The following C1orf94 variants were observed in gnomAD, a reference collection of about 807,000 sequenced individuals.
The protein encoded by C1orf94 is uncharacterized protein C1orf94.
C1orf94 carries 45 observed loss-of-function variants against 53.6 expected under a neutral mutation model. The ratio of observed to expected loss-of-function variants is 0.84; its 90% CI spans 0.66 to 1.08. The LOEUF (loss-of-function observed/expected upper bound fraction) is 1.08. Ranked by LOEUF, C1orf94 falls within the 50% of genes least tolerant of loss-of-function variation. C1orf94 has a pLI of 0.00. For missense variants in C1orf94, 762 were observed against 738.9 expected, an observed-to-expected ratio of 1.03 and a Z score of -0.36; for synonymous variants, 304 against 296.1, an observed-to-expected ratio of 1.03 and a Z score of -0.27.
chr1:34,169,820 A>G (rs1463104564), intron 1 of C1orf94, among the ~76,000 whole-genome samples: 1 of 152,246 alleles, frequency 6.6e-6, no homozygotes, highest in African/African-American at 2.4e-5. Flanking sequence ...GGGCGAGGCT[A>G]TCACCATAGA....
chr1:34,209,285 AACACAC>A lies in C1orf94; in HGVS notation c.1524+1081_1524+1086del, dbSNP rs59376155. ...ATAAAGCAGCAGAAAGAGAAATGCAAACACACACACACACACACACACACACACACA... is the reference window on the plus strand; with the variant it reads ...ATAAAGCAGCAGAAAGAGAAATGCAAACACACACACACACACACACACACA... On this transcript the variant is annotated intron_variant, in intron 5 of 6. Coordinates refer to ENST00000488417, the MANE Select transcript of C1orf94 (RefSeq NM_001134734.2). Among the ~76,000 whole-genome samples the A allele has an allele frequency of 5.0e-3, 719 of 143,716 alleles. 11 individuals carry two copies. The highest frequency in any genetic ancestry group is 0.016 in the African/African-American group (627 of 38,862). 94.3% of individuals were successfully genotyped at this position (143,716 alleles called of 152,430 possible).
rs1308713572 is a variant in C1orf94, at chr1:34,201,019, G to A, written c.1257G>A (p.Gly419=). ...TTCGAAACAAAGTGGAAGTGGATGG[G>A]CCGGAGCTGAAATGTGAGCTGACCT... ...PRLRNKVEVD[G]PELKFNAPVT... is the part of the protein sequence containing the mutation. Residue 419 remains glycine (G), a synonymous_variant, in exon 3 of 7, where the codon GGG becomes GGA. Coordinates refer to ENST00000488417, the MANE Select transcript of C1orf94 (RefSeq NM_001134734.2). The A allele has an allele frequency of 1.3e-6, 2 of 1,595,044 alleles. No individual in the cohort carries two copies. Among genetic ancestry groups the A allele is most frequent in the Non-Finnish European group, 8.5e-7 (1 of 1,170,448 alleles).
chr1:34,184,587 T>C (rs1398387034), intron 1 of C1orf94, among the ~76,000 whole-genome samples: 2 of 152,262 alleles, frequency 1.3e-5, no homozygotes, highest in African/African-American at 4.8e-5. Context: ...GGCAGCTTTC[T>C]GAGGCTATTT....
chr1:34,170,951 G>T (rs568036339), intron 1 of C1orf94, among the ~76,000 whole-genome samples: 1 of 152,096 alleles, frequency 6.6e-6, no homozygotes, highest in African/African-American at 2.4e-5. Context: ...CTATGTTTCA[G>T]GTTACTTACA....
intron 1 of C1orf94, among the ~76,000 whole-genome samples, chr1:34,184,169 G>T (rs1642351618): frequency 6.6e-6 from 1 of 152,308 alleles, no homozygotes; most frequent in South Asian, 2.1e-4. Context: ...AAAGATGCGG[G>T]TGTAGTCCGC....
chr1:34,217,460 T>C (rs1173304403), intron 6 of C1orf94, among the ~76,000 whole-genome samples: 1 of 128,326 alleles, frequency 7.8e-6, no homozygotes, highest in African/African-American at 3.0e-5. Flanking sequence ...AATAACATCA[T>C]TATGATTTCT....
At chr1:34,183,962 A>G (rs1444574354) in intron 1 of C1orf94, among the ~76,000 whole-genome samples, 3 of 152,200 alleles carry the variant, frequency 2.0e-5, no homozygotes, top group Non-Finnish European at 4.4e-5. Flanking sequence ...AACTTTCAAC[A>G]TCTTGCAAAA....
chr1:34,167,258 T>A (rs888887175), intron 1 of C1orf94: 3 of 152,178 alleles, frequency 2.0e-5, no homozygotes, highest in Non-Finnish European at 4.4e-5. Flanking sequence ...TTTACCCCTC[T>A]CTTGGAGGCG....
At chr1:34,202,954 T>A (rs1240299030) in intron 4 of C1orf94, among the ~76,000 whole-genome samples, 2 of 152,204 alleles carry the variant, frequency 1.3e-5, no homozygotes, top group African/African-American at 4.8e-5. Flanking sequence ...ACTATTTACA[T>A]AGTACATTAT....
intron 5 of C1orf94, among the ~76,000 whole-genome samples, chr1:34,210,769 C>T (rs1173024209): frequency 6.6e-6 from 1 of 152,078 alleles, no homozygotes; most frequent in East Asian, 1.9e-4. Context: ...ATTCTCCTGC[C>T]TCAGCCTCCC....
intron 1 of C1orf94, among the ~76,000 whole-genome samples, chr1:34,168,820 T>C (rs1642092818): frequency 6.6e-6 from 1 of 152,192 alleles, no homozygotes; most frequent in Admixed American, 6.5e-5. Context: ...ACTGACTTTT[T>C]AAAGACTCTA....
chr1:34,212,400 G>A lies in C1orf94; in HGVS notation c.1715G>A (p.Gly572Glu), dbSNP rs1405574380. 4.3e-6 allele frequency: 7 copies of A among 1,610,280 alleles called. No homozygotes were observed. Among genetic ancestry groups the A allele is most frequent in the Admixed American group, 3.4e-5 (2 of 59,470 alleles). Residue 572 changes from glycine to glutamate, a missense_variant, in exon 6 of 7, where the codon GGA becomes GAA. Transcript: ENST00000488417. ...GDGPQYLFPQ[G>E]YGFGSTSGGP... ...GGACCGCAGTACCTCTTTCCCCAAG[G>A]ATATGGGTGAGTCAGCCCACACTGG...
chr1:34,177,697 A>G lies in C1orf94; in HGVS notation c.-93A>G. The G allele has an allele frequency of 2.6e-6, 3 of 1,148,238 alleles. No homozygotes were observed. The highest frequency in any genetic ancestry group is 3.6e-6 in the Non-Finnish European group (3 of 829,810). 71.1% of individuals were successfully genotyped at this position (1,148,238 alleles called of 1,614,324 possible). ...CCACCCACCCCTCCCACACAAATAG[A>G]AGGCCTCTGAACCTAACCACCTTGC... On this transcript the variant is annotated 5_prime_UTR_variant, in exon 1 of 7. Coordinates refer to ENST00000488417, the MANE Select transcript of C1orf94 (RefSeq NM_001134734.2).
At chr1:34,181,264 C>G (rs991027076) in intron 1 of C1orf94, among the ~76,000 whole-genome samples, 1 of 152,160 alleles carries the variant, frequency 6.6e-6, no homozygotes, top group Non-Finnish European at 1.5e-5. Flanking sequence ...TTCTAAGTTT[C>G]TCCCCATGTG....
intron 6 of C1orf94, among the ~76,000 whole-genome samples, chr1:34,216,251 G>A (rs1642985742): frequency 6.6e-6 from 1 of 152,126 alleles, no homozygotes; most frequent in Non-Finnish European, 1.5e-5. Context: ...TTCAAGGCAA[G>A]GGATGGGATG....
chr1:34,196,503 C>T (rs1227529103), intron 1 of C1orf94, among the ~76,000 whole-genome samples: 1 of 152,208 alleles, frequency 6.6e-6, no homozygotes, highest in Non-Finnish European at 1.5e-5. Context: ...AAGAGGCTAC[C>T]GTATGAGATC....
intron 2 of C1orf94, among the ~76,000 whole-genome samples, 169 bp downstream of exon 2, chr1:34,198,082 G>A (rs140842275): frequency 0.034 from 5,108 of 152,338 alleles, 155 homozygotes; most frequent in South Asian, 0.095. Flanking sequence ...GCCCCCACAG[G>A]CTTATTTTGC....
chr1:34,175,702 T>A (rs1387246107), upstream of C1orf94, among the ~76,000 whole-genome samples: 1 of 152,116 alleles, frequency 6.6e-6, no homozygotes, highest in Non-Finnish European at 1.5e-5. Context: ...CACATATTTT[T>A]TGAGTGCCTA....
At chr1:34,217,330 T>C (rs764174310) in intron 6 of C1orf94, among the ~76,000 whole-genome samples, 12 of 152,232 alleles carry the variant, frequency 7.9e-5, no homozygotes, top group Non-Finnish European at 8.8e-5. Context: ...TAGCTGCATG[T>C]GTGCCAATCA....
Sources: gnomAD v4.1 joint callset for allele counts (sites outside exome capture counted in the v4.1 genomes callset) on GRCh38, gnomAD v4.1.1 for gene constraint, MANE v1.5 for transcripts, NCBI Gene and HGNC (gene_info 2026-07-23, HGNC 2026-07-21) for gene names.